The following LPIN1 variants were observed in gnomAD, a reference collection of about 807,000 sequenced individuals.
The protein encoded by LPIN1 is phosphatidate phosphatase LPIN1.
LPIN1 carries 71 observed loss-of-function variants against 107.5 expected under a neutral mutation model. That is an observed-to-expected ratio of 0.66 (90% CI 0.55 to 0.80). LPIN1 has a LOEUF of 0.80. Ranked by LOEUF, LPIN1 falls within the 30% of genes least tolerant of loss-of-function variation. The probability of loss-of-function intolerance (pLI) is 0.00; values close to 1 mark genes in which losing one functional copy is unlikely to be tolerated. For missense variants in LPIN1, 1,043 were observed against 1,160.6 expected (o/e 0.90, Z 1.47); for synonymous variants, 445 against 452.6 (o/e 0.98, Z 0.21).
At chr2:11,728,355 G>A (rs1455981496) in intron 1 of LPIN1, among the ~76,000 whole-genome samples, 3 of 151,962 alleles carry the variant, frequency 2.0e-5, no homozygotes, top group Non-Finnish European at 2.9e-5. Flanking sequence ...TGACATAGCT[G>A]GTTTAAATCC....
At chr2:11,724,810 C>G (rs1664435253) in intron 1 of LPIN1, among the ~76,000 whole-genome samples, 1 of 152,178 alleles carries the variant, frequency 6.6e-6, no homozygotes, top group Admixed American at 6.5e-5. Flanking sequence ...AGTTTTGATT[C>G]TGTTTGCTGG....
chr2:11,795,544 GC>G, intron 14 of LPIN1, 57 bp downstream of exon 14: 1 of 1,452,010 alleles, frequency 6.9e-7, no homozygotes, highest in Non-Finnish European at 9.7e-7. Context: ...CAAGTTCATG[GC>G]GTGTGCTGCC....
intron 1 of LPIN1, chr2:11,741,021 A>C: frequency 5.2e-6 from 1 of 193,692 alleles, no homozygotes; most frequent in East Asian, 1.3e-4. Context: ...TGCTGCATCC[A>C]GTTTACTTAT....
intron 17 of LPIN1, among the ~76,000 whole-genome samples, chr2:11,806,274 C>G (rs1558278477): frequency 6.6e-6 from 1 of 152,236 alleles, no homozygotes; most frequent in Non-Finnish European, 1.5e-5. Flanking sequence ...CTGTATTTCC[C>G]TGCCCTGCAT....
chr2:11,795,975 T>C (rs144919775), intron 14 of LPIN1, among the ~76,000 whole-genome samples: 251 of 152,360 alleles, frequency 1.6e-3, no homozygotes, highest in African/African-American at 5.8e-3. Context: ...ATTTTGATGA[T>C]ACTGATCCGT....
intron 7 of LPIN1, 135 bp downstream of exon 7, chr2:11,779,780 G>A (rs954934068): frequency 7.0e-6 from 7 of 1,006,362 alleles, no homozygotes; most frequent in Admixed American, 2.0e-5. Flanking sequence ...TTAAGGGTTA[G>A]CCTTGAATGT....
At chr2:11,748,012 C>T (rs1173177712) in intron 1 of LPIN1, among the ~76,000 whole-genome samples, 1 of 152,216 alleles carries the variant, frequency 6.6e-6, no homozygotes, top group African/African-American at 2.4e-5. Flanking sequence ...TCTCGCTTAT[C>T]AGCAGTTCCT....
chr2:11,758,632 T>C (rs1468237165), intron 1 of LPIN1, among the ~76,000 whole-genome samples: 3 of 152,192 alleles, frequency 2.0e-5, no homozygotes, highest in African/African-American at 7.2e-5. Context: ...TTTCCTGCTT[T>C]CAAATCCAGG....
chr2:11,810,106 A>G (rs187663784), intron 17 of LPIN1, among the ~76,000 whole-genome samples: 60 of 152,246 alleles, frequency 3.9e-4, no homozygotes, highest in Non-Finnish European at 7.6e-4. Flanking sequence ...TTGCACCAGG[A>G]GCTGTCCTAG....
At chr2:11,683,506 G>A (rs759946768) in intron 1 of LPIN1, among the ~76,000 whole-genome samples, 1 of 152,164 alleles carries the variant, frequency 6.6e-6, no homozygotes, top group African/African-American at 2.4e-5. Flanking sequence ...AGATGGCCTG[G>A]AGTTGAACGT....
intron 1 of LPIN1, among the ~76,000 whole-genome samples, chr2:11,704,338 C>G (rs1572353086): frequency 6.6e-6 from 1 of 152,356 alleles, no homozygotes; most frequent in South Asian, 2.1e-4. Context: ...CCATATTGAA[C>G]TCACTTTTGT....
intron 1 of LPIN1, among the ~76,000 whole-genome samples, chr2:11,711,878 A>G (rs932565124): frequency 6.6e-6 from 1 of 152,216 alleles, no homozygotes; most frequent in African/African-American, 2.4e-5. Context: ...CCAGTGGTGC[A>G]CAGTGACTGC....
At chr2:11,821,245 G>A (rs1294926558) in intron 20 of LPIN1, among the ~76,000 whole-genome samples, 2 of 152,038 alleles carry the variant, frequency 1.3e-5, no homozygotes, top group East Asian at 1.9e-4. Context: ...GGCCAGGCAC[G>A]GTGGCTCATG....
Position 11,771,820 on chromosome 2 carries a change from G to T in LPIN1, c.596+141G>T. On this transcript the variant is annotated intron_variant, in intron 4 of 20. Transcript: ENST00000674199. The surrounding 1 kb of genome is among the most constrained non-coding windows in gnomAD (Gnocchi z 4.8). ...TGGTCCCCAACCTTTTTGGCACTAG[G>T]GACCAGTTTTGTGGAAGACAGTGTT... The T allele has an allele frequency of 2.3e-6, 2 of 851,898 alleles. No individual in the cohort carries two copies. Among genetic ancestry groups the T allele is most frequent in the East Asian group, 5.3e-5 (2 of 37,468 alleles). The allele number at this position is 851,898 out of a possible 1,614,324, so 52.8% of individuals were successfully genotyped here. A position where few individuals can be genotyped will look rare whatever the true frequency, so the allele number is the denominator to read the frequency against.
chr2:11,783,994 C>G (rs1334696415), intron 9 of LPIN1, 72 bp downstream of exon 9: 5 of 1,609,474 alleles, frequency 3.1e-6, no homozygotes, highest in East Asian at 4.5e-5. Flanking sequence ...CCAGTTTCCC[C>G]TTATGTTTGA....
intron 9 of LPIN1, chr2:11,784,448 T>C (rs1294548835): frequency 9.1e-7 from 1 of 1,104,576 alleles, no homozygotes; most frequent in East Asian, 6.9e-5. Context: ...CGGGCTGCCC[T>C]CCCTGCAAAG....
chr2:11,680,007 TA>T (rs1661625754), intron 1 of LPIN1, among the ~76,000 whole-genome samples: 2 of 152,318 alleles, frequency 1.3e-5, no homozygotes, highest in African/African-American at 4.8e-5. Context: ...AGTCTGGGAC[TA>T]GTCCTTGGAT....
Position 11,791,980 on chromosome 2 carries a change from A to C in LPIN1, c.1780A>C (p.Arg594=). 1 of 1,613,950 alleles carries C rather than the reference A, an allele frequency of 6.2e-7. No homozygotes were observed. The highest frequency in any genetic ancestry group is 8.5e-7 in the Non-Finnish European group (1 of 1,179,880). The part of the protein sequence containing the change: ...KKGGRWWFSW[R]GRNTTIKEES... ...GGGAGGAAGATGGTGGTTTTCATGGAGGGGAAGAAACACCACAATCAAGGA... is the reference window on the plus strand; with the variant it reads ...GGGAGGAAGATGGTGGTTTTCATGGCGGGGAAGAAACACCACAATCAAGGA... Residue 594 remains arginine (R), a synonymous_variant, in exon 13 of 21, where the codon AGG becomes CGG. Coordinates refer to ENST00000674199, the MANE Select transcript of LPIN1 (RefSeq NM_001349206.2).
At chr2:11,764,319 G>A (rs1278547570) in intron 1 of LPIN1, 1 of 151,948 alleles carries the variant, frequency 6.6e-6, no homozygotes, top group African/African-American at 2.4e-5. Context: ...GCTAATTTTT[G>A]TGTTTTTAGT....
Sources: gnomAD v4.1 joint callset for allele counts (sites outside exome capture counted in the v4.1 genomes callset) on GRCh38, gnomAD v4.1.1 for gene constraint, Gnocchi (gnomAD v3.1) non-coding constraint, MANE v1.5 for transcripts, NCBI Gene and HGNC (gene_info 2026-07-23, HGNC 2026-07-21) for gene names.